B4GALT5: variants seen among roughly 807,000 people sequenced by gnomAD.
B4GALT5 encodes the protein beta-1,4-galactosyltransferase 5, also known as UDP-Gal:beta-GlcNAc beta-1,4-galactosyltransferase 5.
In B4GALT5, 11 loss-of-function variants were observed where a neutral mutation model predicts 45.0. The ratio of observed to expected loss-of-function variants is 0.24; its 90% CI spans 0.15 to 0.40. B4GALT5 has a LOEUF of 0.40. B4GALT5 is among the 10% of genes least tolerant of loss of function. B4GALT5 has a pLI of 1.00. For missense variants in B4GALT5, 337 were observed against 500.2 expected (o/e 0.67, Z 3.11); for synonymous variants, 185 against 182.9 (o/e 1.01, Z -0.09).
chr20:49,704,769 A>G (rs2085877660), intron 1 of B4GALT5, among the ~76,000 whole-genome samples: 1 of 152,114 alleles, frequency 6.6e-6, no homozygotes, highest in South Asian at 2.1e-4. Context: ...GCTGTCTTAC[A>G]ACCTACTCTT....
At position 49,637,256 on chromosome 20, in the gene B4GALT5, G is replaced by C; in HGVS notation, c.1019+85C>G. The C allele has an allele frequency of 8.2e-6, 10 of 1,215,460 alleles. No homozygotes were observed. In the South Asian group the frequency reaches 1.1e-4, roughly 13 times the overall value. 75.3% of individuals were successfully genotyped at this position (1,215,460 alleles called of 1,614,324 possible). On this transcript the variant is annotated intron_variant, in intron 8 of 8. Coordinates refer to ENST00000371711, the MANE Select transcript of B4GALT5 (RefSeq NM_004776.4). ...AACAGGGCCTCGGGGTGGGGAGTAG[G>C]AGAAGGGGCTGTAATATGCTCTAAG...
At chr20:49,651,588 C>CAA (rs879724969) in intron 2 of B4GALT5, among the ~76,000 whole-genome samples, 9 of 135,030 alleles carry the variant, frequency 6.7e-5, no homozygotes, top group African/African-American at 1.9e-4. Context: ...GACTCCGTCT[C>CAA]AAAAAAAAAA....
chr20:49,649,177 G>A (rs1481221674), intron 2 of B4GALT5, among the ~76,000 whole-genome samples: 1 of 152,038 alleles, frequency 6.6e-6, no homozygotes, highest in Non-Finnish European at 1.5e-5. Flanking sequence ...TTTTAACTGT[G>A]TCTTAACAAG....
In B4GALT5 at chr20:49,694,532, G is replaced by C. The variant is rs146584138; in HGVS notation, c.115+19044C>G. Reference sequence around the variant, plus strand: ...GTAGCTACTGGTCCTAGCTACTTGGGAGGGTGAGGTGGGAGGATCACTTGG... The same window carrying C: ...GTAGCTACTGGTCCTAGCTACTTGGCAGGGTGAGGTGGGAGGATCACTTGG... On this transcript the variant is annotated intron_variant, in intron 1 of 8. Coordinates refer to ENST00000371711, the MANE Select transcript of B4GALT5 (RefSeq NM_004776.4). Among the ~76,000 whole-genome samples, 622 of 152,114 alleles carry C rather than the reference G, an allele frequency of 4.1e-3. 4 individuals carry two copies. Among genetic ancestry groups the C allele is most frequent in the African/African-American group, 0.014 (596 of 41,474 alleles).
chr20:49,710,760 A>G (rs2085906230), intron 1 of B4GALT5, among the ~76,000 whole-genome samples: 1 of 152,102 alleles, frequency 6.6e-6, no homozygotes, highest in Non-Finnish European at 1.5e-5. Context: ...AACTATTCAA[A>G]TAAGGTCTTC....
chr20:49,681,199 G>C (rs952222581), intron 1 of B4GALT5, among the ~76,000 whole-genome samples: 3 of 110,376 alleles, frequency 2.7e-5, no homozygotes, highest in Non-Finnish European at 5.1e-5. Context: ...CTGCGCAACA[G>C]AGCAAGACCC....
chr20:49,647,148 A>G (rs1367773542), intron 2 of B4GALT5, 70 bp from the exon 3 acceptor site: 11 of 883,542 alleles, frequency 1.2e-5, no homozygotes, highest in Non-Finnish European at 1.8e-5. Context: ...TCAGATGCCT[A>G]CCAAGTAAGT....
At position 49,647,000 on chromosome 20, in the gene B4GALT5, G is replaced by A; in HGVS notation, c.329C>T (p.Ala110Val). The A allele has an allele frequency of 6.2e-7, 1 of 1,613,950 alleles. No homozygotes were observed. The highest frequency in any genetic ancestry group is 8.5e-7 in the Non-Finnish European group (1 of 1,179,818). ...TFLPEDFTYFANHTCPERLPS... is the reference protein window; with the variant it reads ...TFLPEDFTYFVNHTCPERLPS... ...GAGTCTTTCAGGGCAGGTATGGTTT[G>A]CAAAGTAGGTGAAGTCTTCAGGAAG... Residue 110 changes from alanine (A) to valine (V), a missense_variant, in exon 3 of 9, where the codon GCA becomes GTA. This residue lies in a region of B4GALT5 where 174 missense variants were observed against 207.4 expected (regional missense o/e 0.84). Coordinates refer to ENST00000371711, the MANE Select transcript of B4GALT5 (RefSeq NM_004776.4).
chr20:49,645,656 G>A (rs1183111157), intron 3 of B4GALT5, among the ~76,000 whole-genome samples: 7 of 152,006 alleles, frequency 4.6e-5, no homozygotes, highest in Admixed American at 1.3e-4. Context: ...GGCTGAGGCA[G>A]GAGAATCACT....
rs151117946 is a variant in B4GALT5, at chr20:49,671,321, G to A, written c.116-14619C>T. Among the ~76,000 whole-genome samples the A allele has an allele frequency of 4.2e-3, 644 of 152,316 alleles. 6 individuals carry two copies. The highest frequency in any genetic ancestry group is 0.015 in the African/African-American group (617 of 41,578). ...ACTTGGGAAGCAGAGGTTGTGGTGA[G>A]TTGAAATCATGCCACTACACTCCAG... On this transcript the variant is annotated intron_variant, in intron 1 of 8. Coordinates refer to ENST00000371711, the MANE Select transcript of B4GALT5 (RefSeq NM_004776.4).
At chr20:49,679,499 T>A (rs2085755240) in intron 1 of B4GALT5, among the ~76,000 whole-genome samples, 1 of 147,864 alleles carries the variant, frequency 6.8e-6, no homozygotes, top group Non-Finnish European at 1.5e-5. Flanking sequence ...AAACCCCGTC[T>A]CTACTAAAAA....
rs749745490 is a variant in B4GALT5 at position 49,713,543 on chromosome 20, G to A, written c.115+33C>T. ...TCCCCGGGTCCCTCAAGGCCAGAGC[G>A]GCAGCCGCCGCGGTCCCAAGCCCCC... On this transcript the variant is annotated intron_variant, in intron 1 of 8. Transcript: ENST00000371711. The A allele has an allele frequency of 1.3e-4, 195 of 1,543,852 alleles. 1 individual carries two copies. The highest frequency in any genetic ancestry group is 1.7e-4 in the Non-Finnish European group (191 of 1,142,958).
chr20:49,649,160 T>C (rs2085610990), intron 2 of B4GALT5, among the ~76,000 whole-genome samples: 3 of 152,186 alleles, frequency 2.0e-5, no homozygotes, highest in Non-Finnish European at 4.4e-5. Context: ...GAGAGGCAAC[T>C]TGAAAATTTT....
At chr20:49,652,098 A>G (rs1228454093) in intron 2 of B4GALT5, among the ~76,000 whole-genome samples, 1 of 152,062 alleles carries the variant, frequency 6.6e-6, no homozygotes, top group African/African-American at 2.4e-5. Flanking sequence ...AAACAAACAA[A>G]ATTCTAACAT....
At chr20:49,642,095 G>A (rs761451094) in intron 5 of B4GALT5, among the ~76,000 whole-genome samples, 35 of 152,282 alleles carry the variant, frequency 2.3e-4, no homozygotes, top group Non-Finnish European at 4.1e-4. Flanking sequence ...TTGATTAACA[G>A]CAGACATGAC....
chr20:49,705,471 G>T (rs993514091), intron 1 of B4GALT5, among the ~76,000 whole-genome samples: 1 of 152,146 alleles, frequency 6.6e-6, no homozygotes, highest in Non-Finnish European at 1.5e-5. Context: ...GAAGTCTGGA[G>T]TTCCCAGGCT....
intron 2 of B4GALT5, among the ~76,000 whole-genome samples, chr20:49,654,581 T>TCAATTCTTTTAAGGAGAGG (rs2085634465): frequency 6.6e-5 from 10 of 152,320 alleles, no homozygotes; most frequent in Admixed American, 5.2e-4. Flanking sequence ...TAGGATGTGG[T>TCAATTCTTTTAAGGAGAGG]CAATTCTTTT....
At chr20:49,710,695 GGT>G (rs1231792535) in intron 1 of B4GALT5, among the ~76,000 whole-genome samples, 46 of 151,982 alleles carry the variant, frequency 3.0e-4, no homozygotes, top group Admixed American at 3.3e-4. Flanking sequence ...TGGGATTACA[GGT>G]GTGAGCCACC....
chr20:49,669,780 G>A (rs905256492), intron 1 of B4GALT5, among the ~76,000 whole-genome samples: 1 of 151,254 alleles, frequency 6.6e-6, no homozygotes, highest in Non-Finnish European at 1.5e-5. Flanking sequence ...TAAGGTAGAA[G>A]TATACTGGTT....
Sources: gnomAD v4.1 joint callset for allele counts (sites outside exome capture counted in the v4.1 genomes callset) on GRCh38, gnomAD v4.1.1 for gene constraint, gnomAD v4.1.1 regional missense constraint, MANE v1.5 for transcripts, NCBI Gene and HGNC (gene_info 2026-07-23, HGNC 2026-07-21) for gene names.